The following PDS5B variants were observed in gnomAD, a reference collection of about 807,000 sequenced individuals.
The protein encoded by PDS5B is sister chromatid cohesion protein PDS5 homolog B.
In PDS5B, 51 loss-of-function variants were observed where a neutral mutation model predicts 184.1. That is an observed-to-expected ratio of 0.28 (90% CI 0.22 to 0.35). The LOEUF is 0.35. PDS5B is among the 10% of genes least tolerant of loss of function. The pLI is 1.00. For synonymous variants in PDS5B, 566 were observed against 569.2 expected, an observed-to-expected ratio of 0.99 and a Z score of 0.08; for missense variants, 1,180 against 1,723.3, an observed-to-expected ratio of 0.68 and a Z score of 5.58.
chr13:32,731,844 A>T (rs1230602048), intron 19 of PDS5B, among the ~76,000 whole-genome samples: 1 of 152,108 alleles, frequency 6.6e-6, no homozygotes, highest in African/African-American at 2.4e-5. Flanking sequence ...TTAACAGGAG[A>T]GTGTGAGTCA....
At chr13:32,760,362 A>G (rs1047495222) in intron 29 of PDS5B, among the ~76,000 whole-genome samples, 3 of 152,224 alleles carry the variant, frequency 2.0e-5, no homozygotes, top group Non-Finnish European at 4.4e-5. Flanking sequence ...CGTTTTCTCC[A>G]GATAACTAAG....
At chr13:32,718,460 GTCTGTT>G (rs1238737343) in intron 19 of PDS5B, among the ~76,000 whole-genome samples, 22 of 152,084 alleles carry the variant, frequency 1.4e-4, no homozygotes, top group Admixed American at 1.0e-3. Flanking sequence ...AAAAAAATCA[GTCTGTT>G]TCTAATTAAA....
intron 24 of PDS5B, among the ~76,000 whole-genome samples, chr13:32,748,887 T>A (rs1259165745): frequency 2.0e-5 from 3 of 152,196 alleles, no homozygotes; most frequent in African/African-American, 4.8e-5. Flanking sequence ...TGTCCTTTGA[T>A]ATCCATTATA....
chr13:32,608,111 C>T (rs922021385), intron 1 of PDS5B, among the ~76,000 whole-genome samples: 50 of 152,276 alleles, frequency 3.3e-4, no homozygotes, highest in Non-Finnish European at 6.2e-4. Flanking sequence ...AGAAATCACC[C>T]GTGTTCTGCG....
Position 32,706,937 on chromosome 13 carries a change from T to G in PDS5B, c.1860T>G (p.Ala620=). 1 of 1,595,126 alleles carries G rather than the reference T, an allele frequency of 6.3e-7. No individual in the cohort carries two copies. Among genetic ancestry groups the G allele is most frequent in the East Asian group, 2.2e-5 (1 of 44,590 alleles). ...PVHIDTESIS[A]LIKQVNKSID... is the part of the protein sequence containing the mutation. The stretch of plus-strand genomic sequence containing the variant: ...GACTTTTTTGGTCATATTTTAGTGC[T>G]CTTATTAAACAAGTGAACAAATCAA... Residue 620 remains alanine, a synonymous_variant, in exon 18 of 35, where the codon GCT becomes GCG. Transcript: ENST00000315596.
In PDS5B at chr13:32,633,409, CTATT is replaced by C. The variant is rs1169086675; in HGVS notation, c.-19-15342_-19-15339del. On this transcript the variant is annotated intron_variant, in intron 1 of 34. Transcript: ENST00000315596. ...ATATGTGAATTCTGTCTTAATAAAACTATTTAAGAAAACAAAAACAAAACCAGCT... is the reference window on the plus strand; with the variant it reads ...ATATGTGAATTCTGTCTTAATAAAACTAAGAAAACAAAAACAAAACCAGCT... 5.3e-5 allele frequency among the ~76,000 whole-genome samples: 8 copies of C among 152,250 alleles called. No homozygotes were observed. In the South Asian group the frequency reaches 8.3e-4, roughly 16 times the overall value.
At chr13:32,659,126 T>C in intron 5 of PDS5B, 28 bp from the exon 6 acceptor site, 3 of 1,502,388 alleles carry the variant, frequency 2.0e-6, no homozygotes, top group Non-Finnish European at 2.7e-6. Context: ...TCAGTTGTAA[T>C]TGAAACAAAA....
intron 19 of PDS5B, among the ~76,000 whole-genome samples, chr13:32,722,675 A>T (rs891226512): frequency 6.6e-6 from 1 of 152,250 alleles, no homozygotes; most frequent in Non-Finnish European, 1.5e-5. Context: ...ATTAATACAG[A>T]TGTTTAAAGG....
At chr13:32,701,512 GT>G (rs1951860511) in intron 17 of PDS5B, 74 bp downstream of exon 17, 1 of 863,706 alleles carries the variant, frequency 1.2e-6, no homozygotes, top group Non-Finnish European at 1.9e-6. Context: ...TCATTGTTGA[GT>G]GCCTGCTATA....
At chr13:32,622,984 A>G (rs2058323114) in intron 1 of PDS5B, among the ~76,000 whole-genome samples, 1 of 152,122 alleles carries the variant, frequency 6.6e-6, no homozygotes, top group African/African-American at 2.4e-5. Context: ...GAATTTGGAG[A>G]CTAGGGTTTT....
At chr13:32,686,157 C>T (rs1951381507) in intron 11 of PDS5B, among the ~76,000 whole-genome samples, 1 of 152,134 alleles carries the variant, frequency 6.6e-6, no homozygotes, top group African/African-American at 2.4e-5. Context: ...TACCAGCTTC[C>T]TTTTGATTAC....
intron 9 of PDS5B, among the ~76,000 whole-genome samples, 159 bp from the exon 10 acceptor site, chr13:32,678,676 A>G (rs944239218): frequency 6.6e-6 from 1 of 152,208 alleles, no homozygotes; most frequent in Admixed American, 6.5e-5. Flanking sequence ...TCAGACATAC[A>G]TGTATATCAG....
Position 32,758,070 on chromosome 13 carries a change from CTTTT to C in PDS5B, c.3057-6_3057-3del, listed in dbSNP as rs376698450. On this transcript the variant is annotated splice_polypyrimidine_tract_variant and intron_variant, in intron 26 of 34. Coordinates refer to ENST00000315596, the MANE Select transcript of PDS5B (RefSeq NM_015032.4). ...GATTTTCTTCTATATTTCTTTTTTC[CTTTT>C]TTTTTTTTTTAGATGTCTTTGGTTT... 15 of 930,974 alleles carry C rather than the reference CTTTT, an allele frequency of 1.6e-5. No individual in the cohort carries two copies. Among genetic ancestry groups the C allele is most frequent in the South Asian group, 1.1e-4 (4 of 34,792 alleles). The allele number at this position is 930,974 out of a possible 1,614,324, so 57.7% of individuals were successfully genotyped here. A position where few individuals can be genotyped will look rare whatever the true frequency, so the allele number is the denominator to read the frequency against.
intron 1 of PDS5B, among the ~76,000 whole-genome samples, chr13:32,593,455 C>T (rs912653463): frequency 8.5e-5 from 13 of 152,244 alleles, no homozygotes; most frequent in African/African-American, 3.1e-4. Flanking sequence ...ACTCTCATGT[C>T]TCAGCCTCTG....
chr13:32,590,285 A>G (rs1192288700), intron 1 of PDS5B, among the ~76,000 whole-genome samples: 1 of 152,188 alleles, frequency 6.6e-6, no homozygotes, highest in Admixed American at 6.5e-5. Flanking sequence ...TTTGACGGAT[A>G]ATTACCTGAT....
chr13:32,637,260 T>A (rs1053704572), intron 1 of PDS5B, among the ~76,000 whole-genome samples: 1 of 108,962 alleles, frequency 9.2e-6, no homozygotes, highest in Non-Finnish European at 1.9e-5. Flanking sequence ...TGATTTCATT[T>A]ACATTTTGCA....
chr13:32,618,078 CT>C (rs1220884524), intron 1 of PDS5B, among the ~76,000 whole-genome samples: 1 of 152,164 alleles, frequency 6.6e-6, no homozygotes, highest in African/African-American at 2.4e-5. Context: ...TAGCCAAACG[CT>C]GGCTGCCAGG....
intron 1 of PDS5B, among the ~76,000 whole-genome samples, chr13:32,591,200 C>G (rs1321509609): frequency 6.6e-6 from 1 of 152,090 alleles, no homozygotes; most frequent in East Asian, 1.9e-4. Flanking sequence ...GCAATCTTGG[C>G]TCACCACAAC....
intron 1 of PDS5B, among the ~76,000 whole-genome samples, chr13:32,646,572 CTT>C (rs879369797): frequency 1.4e-5 from 2 of 140,610 alleles, no homozygotes; most frequent in African/African-American, 2.6e-5. Context: ...GCCTATTTAT[CTT>C]TTTTTTTTTT....
Sources: gnomAD v4.1 joint callset for allele counts (sites outside exome capture counted in the v4.1 genomes callset) on GRCh38, gnomAD v4.1.1 for gene constraint, MANE v1.5 for transcripts, NCBI Gene and HGNC (gene_info 2026-07-23, HGNC 2026-07-21) for gene names.